The following PRDM5 variants were observed in gnomAD, a reference collection of about 807,000 sequenced individuals.
PRDM5 encodes the protein PR domain zinc finger protein 5.
Under a neutral mutation model 81.2 loss-of-function variants are expected in PRDM5, and 56 were observed. That is an observed-to-expected ratio of 0.69 (90% confidence interval 0.56 to 0.86). The LOEUF (loss-of-function observed/expected upper bound fraction) is 0.86. PRDM5 is among the 40% of genes least tolerant of loss of function. The pLI is 0.00. For synonymous variants in PRDM5, 267 were observed against 256.4 expected, an observed-to-expected ratio of 1.04 and a Z score of -0.39; for missense variants, 697 against 770.1, an observed-to-expected ratio of 0.91 and a Z score of 1.12.
chr4:120,807,510 A>G (rs556623637), intron 8 of PRDM5, among the ~76,000 whole-genome samples: 1 of 152,374 alleles, frequency 6.6e-6, no homozygotes, highest in South Asian at 2.1e-4. Context: ...GCACACATAC[A>G]CCATGGAATA....
intron 5 of PRDM5, among the ~76,000 whole-genome samples, chr4:120,817,297 A>G (rs991320755): frequency 2.0e-5 from 3 of 152,160 alleles, no homozygotes; most frequent in African/African-American, 7.2e-5. Flanking sequence ...TTTCATCTCA[A>G]TTTTTATAAG....
At chr4:120,777,664 T>C (rs1473389467) in intron 12 of PRDM5, among the ~76,000 whole-genome samples, 1 of 152,184 alleles carries the variant, frequency 6.6e-6, no homozygotes, top group Non-Finnish European at 1.5e-5. Flanking sequence ...ATTCTTTGTG[T>C]ATATTTAACT....
rs187828707 is a variant in PRDM5 at position 120,705,961 on chromosome 4, A to T, written c.1728+4348T>A. Among the ~76,000 whole-genome samples, 980 of 152,312 alleles carry T rather than the reference A, an allele frequency of 6.4e-3. 14 individuals are homozygous for T. The highest frequency in any genetic ancestry group is 0.023 in the African/African-American group (940 of 41,578). ...TGAGAGAATTAGAGAAATAAAGGTG[A>T]CAATGAGAATTTAGAGATGGTGGTA... is the stretch of plus-strand genomic sequence containing the variant. On this transcript the variant is annotated intron_variant, in intron 15 of 15. Transcript: ENST00000264808.
intron 13 of PRDM5, among the ~76,000 whole-genome samples, chr4:120,762,134 G>A (rs767367500): frequency 6.6e-6 from 1 of 151,914 alleles, no homozygotes; most frequent in Admixed American, 6.6e-5. Flanking sequence ...AAAAACCAAC[G>A]TAGATTTCAA....
chr4:120,907,419 A>C lies in PRDM5; in HGVS notation c.177+55T>G, dbSNP rs185054633. The C allele has an allele frequency of 2.5e-4, 345 of 1,392,226 alleles. 1 individual carries two copies. In the East Asian group the frequency reaches 5.0e-3, roughly 20 times the overall value. The allele number at this position is 1,392,226 out of a possible 1,614,324, so 86.2% of individuals were successfully genotyped here. A position where few individuals can be genotyped will look rare whatever the true frequency, so the allele number is the denominator to read the frequency against. ...TCAATTAATGTAGCCTTAAAAATGC[A>C]TTAAATGGTACAATACAAATATATT... On this transcript the variant is annotated intron_variant, in intron 2 of 15. Transcript: ENST00000264808.
intron 14 of PRDM5, among the ~76,000 whole-genome samples, chr4:120,711,769 C>A (rs1737022780): frequency 1.3e-5 from 2 of 152,012 alleles, no homozygotes; most frequent in Non-Finnish European, 2.9e-5. Context: ...AATTCCTTAG[C>A]CTTCTTTGAT....
chr4:120,808,800 G>T (rs1020548176), intron 8 of PRDM5, among the ~76,000 whole-genome samples: 2 of 152,218 alleles, frequency 1.3e-5, no homozygotes, highest in Non-Finnish European at 2.9e-5. Flanking sequence ...CACAGCAGCT[G>T]CTGGCCCAGG....
At chr4:120,686,142 G>A (rs1384048124) in intron 1 of PRDM5, among the ~76,000 whole-genome samples, 1 of 152,012 alleles carries the variant, frequency 6.6e-6, no homozygotes, top group Admixed American at 6.6e-5. Context: ...GGCCTCCCCA[G>A]AAGCCTGACA....
At chr4:120,770,645 A>G (rs918841172) in intron 13 of PRDM5, among the ~76,000 whole-genome samples, 3 of 152,168 alleles carry the variant, frequency 2.0e-5, no homozygotes, top group Non-Finnish European at 2.9e-5. Flanking sequence ...GGTTGTGTCC[A>G]GCCTGGACAG....
intron 14 of PRDM5, among the ~76,000 whole-genome samples, chr4:120,725,744 T>C (rs1739301912): frequency 6.6e-6 from 1 of 152,180 alleles, no homozygotes; most frequent in African/African-American, 2.4e-5. Context: ...CAGCATCATC[T>C]GAATTCAGGA....
chr4:120,761,608 A>C (rs1745621537), intron 13 of PRDM5, among the ~76,000 whole-genome samples: 1 of 152,226 alleles, frequency 6.6e-6, no homozygotes. Flanking sequence ...TCTTACTGAT[A>C]AAACGATCCT....
chr4:120,803,072 G>A (rs984571337), intron 8 of PRDM5, among the ~76,000 whole-genome samples: 3 of 152,168 alleles, frequency 2.0e-5, no homozygotes, highest in Admixed American at 1.3e-4. Context: ...ACAAGCTTCG[G>A]TAGCTGATTC....
At chr4:120,897,858 T>C (rs1176884809) in intron 2 of PRDM5, among the ~76,000 whole-genome samples, 1 of 152,224 alleles carries the variant, frequency 6.6e-6, no homozygotes, top group Non-Finnish European at 1.5e-5. Context: ...TTTTCTTCCA[T>C]GTGCTAGAGT....
At chr4:120,900,263 C>T (rs1378394575) in intron 2 of PRDM5, among the ~76,000 whole-genome samples, 1 of 152,156 alleles carries the variant, frequency 6.6e-6, no homozygotes, top group African/African-American at 2.4e-5. Flanking sequence ...AAAGTTCCAA[C>T]CCTCTAATCA....
At chr4:120,880,030 AT>A (rs928120219) in intron 2 of PRDM5, among the ~76,000 whole-genome samples, 2 of 152,150 alleles carry the variant, frequency 1.3e-5, no homozygotes, top group African/African-American at 4.8e-5. Flanking sequence ...CTCAATAATA[AT>A]GTATCAATAT....
chr4:120,910,917 CA>C (rs1423117771), intron 1 of PRDM5, among the ~76,000 whole-genome samples: 1 of 152,134 alleles, frequency 6.6e-6, no homozygotes, highest in African/African-American at 2.4e-5. Flanking sequence ...CTGAAGATTT[CA>C]CACTAGCAGA....
intron 2 of PRDM5, among the ~76,000 whole-genome samples, chr4:120,861,477 A>T (rs1365970859): frequency 6.6e-6 from 1 of 152,174 alleles, no homozygotes; most frequent in Non-Finnish European, 1.5e-5. Flanking sequence ...AGATCCAGAG[A>T]TCACAGTCTT....
chr4:120,918,910 C>G (rs180834584), intron 1 of PRDM5, among the ~76,000 whole-genome samples: 5 of 152,144 alleles, frequency 3.3e-5, no homozygotes, highest in African/African-American at 1.2e-4. Context: ...AAAGGAGAGG[C>G]GGAGACAGGA....
chr4:120,713,372 C>T (rs576291782), intron 14 of PRDM5, among the ~76,000 whole-genome samples: 1 of 152,080 alleles, frequency 6.6e-6, no homozygotes, highest in East Asian at 1.9e-4. Context: ...TTTTTTTAAC[C>T]CAAGCTTTTT....
Sources: allele counts gnomAD v4.1 joint callset (sites outside exome capture counted in the v4.1 genomes callset), GRCh38; gene constraint gnomAD v4.1.1; transcripts MANE v1.5; gene names NCBI Gene and HGNC (gene_info 2026-07-23, HGNC 2026-07-21).